GPC6: variants seen among roughly 807,000 people sequenced by gnomAD.
The protein encoded by GPC6 is glypican-6.
In GPC6, 14 loss-of-function variants were observed where a neutral mutation model predicts 55.2. That is an observed-to-expected ratio of 0.25 (90% CI 0.17 to 0.40). GPC6 has a LOEUF of 0.40. GPC6 is among the 10% of genes least tolerant of loss of function. GPC6 has a pLI of 1.00. For synonymous variants in GPC6, 278 were observed against 259.6 expected (o/e 1.07, Z -0.68); for missense variants, 641 against 708.5 (o/e 0.90, Z 1.08).
At chr13:94,157,209 A>G (rs1887982079) in intron 4 of GPC6, among the ~76,000 whole-genome samples, 1 of 152,166 alleles carries the variant, frequency 6.6e-6, no homozygotes, top group Non-Finnish European at 1.5e-5. Context: ...ATAAAAGGGA[A>G]TGTGTCCCTT....
At chr13:93,455,358 T>G (rs905470032) in intron 1 of GPC6, among the ~76,000 whole-genome samples, 5 of 152,112 alleles carry the variant, frequency 3.3e-5, no homozygotes, top group African/African-American at 9.6e-5. Context: ...TCAGTATGAT[T>G]ATTTCCAAAC....
intron 1 of GPC6, among the ~76,000 whole-genome samples, chr13:93,314,897 T>TTTTG (rs770801120): frequency 3.3e-5 from 5 of 152,218 alleles, no homozygotes; most frequent in African/African-American, 7.2e-5. Flanking sequence ...TTTTGTTTTG[T>TTTTG]TTTGTTTGTT....
intron 1 of GPC6, among the ~76,000 whole-genome samples, chr13:93,485,709 A>C (rs913180394): frequency 6.6e-6 from 1 of 152,128 alleles, no homozygotes; most frequent in Non-Finnish European, 1.5e-5. Flanking sequence ...CACTAGTGAA[A>C]ACAGGTGAGG....
intron 1 of GPC6, among the ~76,000 whole-genome samples, chr13:93,490,041 G>A (rs970048208): frequency 6.6e-6 from 1 of 151,268 alleles, no homozygotes; most frequent in Non-Finnish European, 1.5e-5. Context: ...TCCCTGTCTT[G>A]TGCCAGTTTT....
chr13:94,364,643 C>A (rs1195529675), intron 6 of GPC6, among the ~76,000 whole-genome samples: 1 of 152,104 alleles, frequency 6.6e-6, no homozygotes, highest in African/African-American at 2.4e-5. Context: ...ATCATCTTTC[C>A]TCCACTGGGT....
At chr13:93,360,153 G>T (rs9301873) in intron 1 of GPC6, among the ~76,000 whole-genome samples, 2 of 147,446 alleles carry the variant, frequency 1.4e-5, no homozygotes, top group African/African-American at 2.7e-5. Context: ...ACAGGATAAA[G>T]AGTGTCTCCT....
chr13:93,283,890 T>C (rs951114909), intron 1 of GPC6, among the ~76,000 whole-genome samples: 1 of 152,124 alleles, frequency 6.6e-6, no homozygotes, highest in Admixed American at 6.6e-5. Context: ...AGTGGAGGGG[T>C]ACATAACTCA....
At chr13:93,726,685 C>T (rs1333804686) in intron 2 of GPC6, among the ~76,000 whole-genome samples, 1 of 152,062 alleles carries the variant, frequency 6.6e-6, no homozygotes, top group Non-Finnish European at 1.5e-5. Flanking sequence ...ATGCCCGCCC[C>T]CTGCCTGGAA....
intron 1 of GPC6, among the ~76,000 whole-genome samples, chr13:93,237,525 A>G (rs1876279258): frequency 1.3e-5 from 2 of 151,718 alleles, no homozygotes; most frequent in Non-Finnish European, 2.9e-5. Context: ...TAGTTTGTTT[A>G]CTCTTTTGAT....
intron 2 of GPC6, among the ~76,000 whole-genome samples, chr13:93,673,828 A>G (rs946576802): frequency 7.2e-5 from 11 of 152,116 alleles, no homozygotes; most frequent in Admixed American, 2.0e-4. Context: ...TTCAATTTTT[A>G]TTTTTATGAG....
At chr13:94,131,491 C>CT (rs1886999815) in intron 4 of GPC6, among the ~76,000 whole-genome samples, 1 of 152,004 alleles carries the variant, frequency 6.6e-6, no homozygotes, top group Non-Finnish European at 1.5e-5. Context: ...AAATACAGAG[C>CT]TTTTTTCAAG....
At chr13:94,018,407 A>G (rs555602093) in intron 3 of GPC6, among the ~76,000 whole-genome samples, 23 of 151,718 alleles carry the variant, frequency 1.5e-4, no homozygotes, top group Non-Finnish European at 2.2e-4. Context: ...CTCCTGCCTC[A>G]GCCTCCCGAG....
chr13:93,662,872 C>G (rs1297510706), intron 2 of GPC6, among the ~76,000 whole-genome samples: 3 of 151,706 alleles, frequency 2.0e-5, no homozygotes, highest in African/African-American at 4.8e-5. Flanking sequence ...CAACAAAAAA[C>G]AAAACACCTA....
chr13:93,271,664 T>C (rs1042407886), intron 1 of GPC6, among the ~76,000 whole-genome samples: 7 of 152,182 alleles, frequency 4.6e-5, no homozygotes. Flanking sequence ...TTACTCAGCT[T>C]TTTCTTGAGC....
At chr13:93,933,110 G>A (rs74109135) in intron 3 of GPC6, among the ~76,000 whole-genome samples, 2,468 of 150,526 alleles carry the variant, frequency 0.016, 72 homozygotes, top group East Asian at 0.12. Flanking sequence ...TTCTGTTGTC[G>A]TATCTCCTAC....
At chr13:93,868,856 A>G (rs2139035194) in intron 3 of GPC6, among the ~76,000 whole-genome samples, 1 of 151,950 alleles carries the variant, frequency 6.6e-6, no homozygotes, top group Middle Eastern at 3.4e-3. Context: ...CAACAACAAC[A>G]TTAAATGCAA....
intron 4 of GPC6, among the ~76,000 whole-genome samples, chr13:94,042,436 T>C (rs1442238825): frequency 6.6e-6 from 1 of 151,914 alleles, no homozygotes; most frequent in Non-Finnish European, 1.5e-5. Context: ...CTCATTTTAA[T>C]ATCACTAGTT....
intron 2 of GPC6, among the ~76,000 whole-genome samples, chr13:93,798,811 C>T (rs1886281489): frequency 6.7e-6 from 1 of 150,020 alleles, no homozygotes; most frequent in Non-Finnish European, 1.5e-5. Context: ...CCCAGGTACT[C>T]AGGAGGCTGA....
intron 4 of GPC6, among the ~76,000 whole-genome samples, chr13:94,169,087 G>GT (rs1888470990): frequency 6.6e-6 from 1 of 152,212 alleles, no homozygotes; most frequent in African/African-American, 2.4e-5. Flanking sequence ...TTAAATTGTA[G>GT]TTTTGTCTTT....
Sources: allele counts gnomAD v4.1 joint callset (sites outside exome capture counted in the v4.1 genomes callset), GRCh38; gene constraint gnomAD v4.1.1; transcripts MANE v1.5; gene names NCBI Gene and HGNC (gene_info 2026-07-23, HGNC 2026-07-21).